TMEM116: variants seen among roughly 807,000 people sequenced by gnomAD.
The protein encoded by TMEM116 is transmembrane protein 116.
TMEM116 carries 38 observed loss-of-function variants against 44.3 expected under a neutral mutation model. The ratio of observed to expected loss-of-function variants is 0.86; its 90% CI spans 0.66 to 1.12. TMEM116 has a LOEUF of 1.12. Among genes scored for constraint, TMEM116 ranks in the 50% most tolerant of loss-of-function variants. The probability of loss-of-function intolerance (pLI) is 0.00; values close to 1 mark genes in which losing one functional copy is unlikely to be tolerated. For synonymous variants in TMEM116, 132 were observed against 144.8 expected (o/e 0.91, Z 0.64); for missense variants, 354 against 401.7 (o/e 0.88, Z 1.01).
At chr12:111,998,165 C>G (rs1455353252) in intron 3 of TMEM116, among the ~76,000 whole-genome samples, 3 of 152,162 alleles carry the variant, frequency 2.0e-5, no homozygotes, top group Non-Finnish European at 2.9e-5. Flanking sequence ...GTTTTGAAAG[C>G]AAGCTCACTG....
intron 8 of TMEM116, 100 bp downstream of exon 8, chr12:111,936,592 G>T: frequency 7.3e-7 from 1 of 1,360,912 alleles, no homozygotes; most frequent in Non-Finnish European, 9.9e-7. Flanking sequence ...AGGACCACAA[G>T]AAGTGCCTCT....
At chr12:111,977,689 A>C (rs1196140262) in intron 4 of TMEM116, among the ~76,000 whole-genome samples, 2 of 152,152 alleles carry the variant, frequency 1.3e-5, no homozygotes, top group African/African-American at 4.8e-5. Flanking sequence ...CATAATAGTA[A>C]TAATAGAAAA....
At chr12:111,940,548 CACACACATATATATGTGTGTATAT>C (rs2072708999) in intron 5 of TMEM116, among the ~76,000 whole-genome samples, 1 of 119,002 alleles carries the variant, frequency 8.4e-6, no homozygotes, top group African/African-American at 4.0e-5. Context: ...TATATATACA[CACACACATATATATGTGTGTATAT>C]ATATATATAT....
chr12:111,995,654 T>C (rs1039540992), intron 3 of TMEM116, among the ~76,000 whole-genome samples: 2 of 151,304 alleles, frequency 1.3e-5, no homozygotes, highest in East Asian at 3.9e-4. Flanking sequence ...AGGAGAATCA[T>C]TTGAACCCAG....
intron 4 of TMEM116, among the ~76,000 whole-genome samples, chr12:111,990,485 C>A (rs1024682778): frequency 6.6e-5 from 10 of 152,154 alleles, no homozygotes; most frequent in Non-Finnish European, 1.5e-4. Flanking sequence ...AGGTTATTAG[C>A]AGGACTGAGC....
chr12:111,986,171 C>T (rs542354432), intron 4 of TMEM116, among the ~76,000 whole-genome samples: 23 of 151,496 alleles, frequency 1.5e-4, no homozygotes, highest in African/African-American at 5.6e-4. Flanking sequence ...GCCTGAGCAA[C>T]ACGGCAAGAT....
chr12:112,000,244 CT>C (rs1047523724), intron 3 of TMEM116, among the ~76,000 whole-genome samples: 4 of 152,116 alleles, frequency 2.6e-5, no homozygotes, highest in African/African-American at 9.7e-5. Flanking sequence ...AATAAAATCA[CT>C]CAAATTACCT....
chr12:111,981,541 T>C (rs1335214683), intron 4 of TMEM116, among the ~76,000 whole-genome samples: 1 of 152,182 alleles, frequency 6.6e-6, no homozygotes, highest in East Asian at 1.9e-4. Context: ...CTTGCTTTTA[T>C]TTCATCCACT....
chr12:111,993,104 G>GC (rs1214466351), intron 3 of TMEM116: 24 of 208,268 alleles, frequency 1.2e-4, no homozygotes, highest in South Asian at 1.5e-4. Context: ...GACCCGCAAG[G>GC]CCCCCCCACT....
chr12:112,009,100 C>T (rs2077720175), intron 1 of TMEM116, among the ~76,000 whole-genome samples: 1 of 152,110 alleles, frequency 6.6e-6, no homozygotes, highest in South Asian at 2.1e-4. Flanking sequence ...AGGAAATGCC[C>T]AGTGCTAGAA....
At chr12:111,986,838 C>G (rs546159397) in intron 4 of TMEM116, among the ~76,000 whole-genome samples, 4 of 152,154 alleles carry the variant, frequency 2.6e-5, no homozygotes, top group Non-Finnish European at 5.9e-5. Flanking sequence ...ACCAGGAAAA[C>G]TGAACATCCA....
chr12:111,936,459 G>T, intron 8 of TMEM116: 2 of 455,224 alleles, frequency 4.4e-6, no homozygotes, highest in East Asian at 3.7e-5. Context: ...GTTGTAGAGT[G>T]AGCATAATTT....
At chr12:111,937,795 C>G (rs912071785) in intron 6 of TMEM116, among the ~76,000 whole-genome samples, 1 of 152,206 alleles carries the variant, frequency 6.6e-6, no homozygotes, top group Non-Finnish European at 1.5e-5. Flanking sequence ...TTTCTGGACT[C>G]TGTAATCCTA....
chr12:111,958,277 T>TAAAAAAAAAAAAAAA, intron 4 of TMEM116, among the ~76,000 whole-genome samples: 1 of 27,494 alleles, frequency 3.6e-5, no homozygotes, highest in Non-Finnish European at 9.0e-5. Flanking sequence ...CAATAAATAC[T>TAAAAAAAAAAAAAAA]AAAAAAAAAA....
chr12:111,986,071 A>G (rs1593541424), intron 4 of TMEM116, among the ~76,000 whole-genome samples: 2 of 152,122 alleles, frequency 1.3e-5, no homozygotes. Context: ...TTGAAAAAGA[A>G]GAGGTAAGGC....
chr12:111,939,917 TGTGTGTGTGTGTG>T (rs2072555608), intron 5 of TMEM116, among the ~76,000 whole-genome samples: 1 of 142,074 alleles, frequency 7.0e-6, no homozygotes, highest in Admixed American at 7.8e-5. Flanking sequence ...TGTGTGTGTG[TGTGTGTGTGTGTG>T]TGTGTATGGA....
Position 111,936,589 on chromosome 12 carries a change from C to T in TMEM116, c.588+103G>A, listed in dbSNP as rs1047941008. ...AGCTACTTTCTTAGTTCTAGGACCA[C>T]AAGAAGTGCCTCTCTGCCCCATCTT... On this transcript the variant is annotated intron_variant, in intron 8 of 10. Coordinates refer to ENST00000552374, the MANE Select transcript of TMEM116 (RefSeq NM_001193531.2). The T allele has an allele frequency of 4.5e-6, 6 of 1,346,266 alleles. No individual in the cohort carries two copies. The African/African-American group carries it at 8.8e-5, about 20-fold the overall frequency. The allele number at this position is 1,346,266 out of a possible 1,614,324, so 83.4% of individuals were successfully genotyped here.
chr12:111,973,589 C>T (rs1778365644), intron 4 of TMEM116, among the ~76,000 whole-genome samples: 1 of 152,206 alleles, frequency 6.6e-6, no homozygotes, highest in African/African-American at 2.4e-5. Flanking sequence ...AAATCAATGA[C>T]ATCAACTTCC....
intron 4 of TMEM116, among the ~76,000 whole-genome samples, chr12:111,987,113 G>T (rs985777295): frequency 1.3e-5 from 2 of 152,102 alleles, no homozygotes; most frequent in African/African-American, 4.8e-5. Flanking sequence ...GCAGCCTACA[G>T]AATGGGAGAC....
Sources: gnomAD v4.1 joint callset for allele counts (sites outside exome capture counted in the v4.1 genomes callset) on GRCh38, gnomAD v4.1.1 for gene constraint, MANE v1.5 for transcripts, NCBI Gene and HGNC (gene_info 2026-07-23, HGNC 2026-07-21) for gene names.